COL26A1: variants seen among roughly 807,000 people sequenced by gnomAD.
The protein encoded by COL26A1 is collagen type XXVI alpha 1 chain.
A neutral mutation model predicts 59.3 loss-of-function variants in COL26A1; 41 were observed. The observed-to-expected ratio is 0.69, with a 90% confidence interval of 0.54 to 0.90. The LOEUF is 0.90. Among genes scored for constraint, COL26A1 ranks in the 40% least tolerant of loss-of-function variants. COL26A1 has a pLI of 0.00. For missense variants in COL26A1, 612 were observed against 602.3 expected (o/e 1.02, Z -0.17); for synonymous variants, 266 against 256.0 (o/e 1.04, Z -0.37).
At chr7:101,511,751 C>T (rs891876396) in intron 3 of COL26A1, among the ~76,000 whole-genome samples, 2 of 152,116 alleles carry the variant, frequency 1.3e-5, no homozygotes, top group Non-Finnish European at 2.9e-5. Flanking sequence ...CCAATTCTGC[C>T]AGGACTGTAG....
intron 1 of COL26A1, among the ~76,000 whole-genome samples, chr7:101,400,894 A>G (rs1791981024): frequency 6.6e-6 from 1 of 152,132 alleles, no homozygotes. Flanking sequence ...TTCATTCAGT[A>G]AATACCACTG....
chr7:101,382,315 G>C (rs891170294), intron 1 of COL26A1, among the ~76,000 whole-genome samples: 15 of 152,116 alleles, frequency 9.9e-5, no homozygotes, highest in Non-Finnish European at 2.1e-4. Context: ...CAAAGCACTG[G>C]GATTACAGGT....
intron 3 of COL26A1, among the ~76,000 whole-genome samples, chr7:101,522,799 C>T (rs545425529): frequency 2.9e-4 from 43 of 150,842 alleles, no homozygotes; most frequent in African/African-American, 9.3e-4. Context: ...CCAGTTGCTC[C>T]GCATCCTCTC....
intron 1 of COL26A1, among the ~76,000 whole-genome samples, chr7:101,381,660 A>G (rs939541955): frequency 1.3e-5 from 2 of 152,162 alleles, no homozygotes; most frequent in African/African-American, 4.8e-5. Flanking sequence ...CGTATAATCT[A>G]TTCGTGAGGG....
chr7:101,547,230 G>C lies in COL26A1; in HGVS notation c.931G>C (p.Gly311Arg), dbSNP rs780621949. The C allele has an allele frequency of 6.3e-7, 1 of 1,578,022 alleles. No individual in the cohort carries two copies. The highest frequency in any genetic ancestry group is 1.2e-5 in the South Asian group (1 of 85,560). The stretch of plus-strand genomic sequence containing the variant: ...TGTCCCAGGACCCCGGGGTCCCCCT[G>C]GTCCACCAGGTAAGTGAATGGTGGG... The part of the protein sequence containing the change: ...AGVPGPRGPP[G>R]PPGPPGPRGP... Residue 311 changes from glycine (G) to arginine (R), a missense_variant, in exon 8 of 13, where the codon GGT becomes CGT. Physicochemically the swap from Gly to Arg is moderately radical, Grantham distance 125. Transcript: ENST00000313669.
At chr7:101,489,783 T>G (rs1294717114) in intron 3 of COL26A1, among the ~76,000 whole-genome samples, 265 of 2,514 alleles carry the variant, frequency 0.11, 70 homozygotes, top group Middle Eastern at 0.5. Context: ...TCTTTCTTTC[T>G]TTCTTTCTTT....
intron 1 of COL26A1, among the ~76,000 whole-genome samples, chr7:101,394,487 G>A (rs1791805468): frequency 6.6e-6 from 1 of 151,990 alleles, no homozygotes; most frequent in African/African-American, 2.4e-5. Context: ...GCTCACTGCA[G>A]CCTCGAATTC....
intron 3 of COL26A1, among the ~76,000 whole-genome samples, chr7:101,523,881 CAAAA>C (rs916997746): frequency 3.4e-5 from 5 of 145,714 alleles, no homozygotes; most frequent in South Asian, 4.4e-4. Context: ...CAATTTCCAC[CAAAA>C]AAAAAAGTCT....
chr7:101,362,749 T>C, upstream of COL26A1: 1 of 481,316 alleles, frequency 2.1e-6, no homozygotes, highest in Non-Finnish European at 3.7e-6. Flanking sequence ...GCACCCTAGC[T>C]CTGCCGCCAC....
chr7:101,425,045 C>T (rs6964449), intron 2 of COL26A1, among the ~76,000 whole-genome samples: 15,719 of 151,976 alleles, frequency 0.1, 1,226 homozygotes, highest in African/African-American at 0.22. Flanking sequence ...GCCTCAGCCT[C>T]CTGAGTAGCT....
chr7:101,552,027 G>T (rs1045361403), intron 10 of COL26A1, among the ~76,000 whole-genome samples: 1 of 152,184 alleles, frequency 6.6e-6, no homozygotes, highest in Non-Finnish European at 1.5e-5. Flanking sequence ...AAGCCACACA[G>T]CGAGGCAGTG....
chr7:101,400,025 C>G (rs1290011479), intron 1 of COL26A1, among the ~76,000 whole-genome samples: 1 of 152,050 alleles, frequency 6.6e-6, no homozygotes, highest in Admixed American at 6.6e-5. Flanking sequence ...ACAGTGGCTG[C>G]GAGTGCTGTG....
At chr7:101,406,013 G>A (rs1390522712) in intron 1 of COL26A1, among the ~76,000 whole-genome samples, 1 of 152,172 alleles carries the variant, frequency 6.6e-6, no homozygotes, top group African/African-American at 2.4e-5. Context: ...GCTCCGTGGA[G>A]TAGGTCGTGC....
chr7:101,449,183 G>T (rs1357674259), intron 3 of COL26A1, among the ~76,000 whole-genome samples: 2 of 152,158 alleles, frequency 1.3e-5, no homozygotes, highest in African/African-American at 4.8e-5. Context: ...AAGGTGAAGG[G>T]GTGAGGGGAT....
intron 2 of COL26A1, among the ~76,000 whole-genome samples, chr7:101,434,464 G>T (rs1481246344): frequency 6.6e-6 from 1 of 151,734 alleles, no homozygotes; most frequent in Non-Finnish European, 1.5e-5. Context: ...GTCTCACTGT[G>T]TTGCCCAGGC....
intron 4 of COL26A1, among the ~76,000 whole-genome samples, chr7:101,539,084 A>T (rs1223733709): frequency 1.3e-5 from 2 of 152,178 alleles, no homozygotes; most frequent in Non-Finnish European, 2.9e-5. Context: ...CGGTCCCGGG[A>T]TCTGGGTCTC....
chr7:101,421,542 G>T (rs1034382462), intron 2 of COL26A1, among the ~76,000 whole-genome samples: 1 of 152,036 alleles, frequency 6.6e-6, no homozygotes, highest in African/African-American at 2.4e-5. Context: ...AGGCGTGGTG[G>T]TGGGCGCCTG....
At chr7:101,456,721 G>C (rs1208890007) in intron 3 of COL26A1, among the ~76,000 whole-genome samples, 1 of 152,080 alleles carries the variant, frequency 6.6e-6, no homozygotes, top group Non-Finnish European at 1.5e-5. Flanking sequence ...TTATTATGTT[G>C]ACCAGGCTGG....
chr7:101,387,778 A>ATTTTTTTTTTTTTTTTTTT (rs1554404085), intron 1 of COL26A1, among the ~76,000 whole-genome samples: 19 of 84,794 alleles, frequency 2.2e-4, no homozygotes, highest in Admixed American at 3.0e-4. Context: ...ATATATATAT[A>ATTTTTTTTTTTTTTTTTTT]TTTTTTTTTA....
Sources: allele counts gnomAD v4.1 joint callset (sites outside exome capture counted in the v4.1 genomes callset), GRCh38; gene constraint gnomAD v4.1.1; transcripts MANE v1.5; gene names NCBI Gene and HGNC (gene_info 2026-07-23, HGNC 2026-07-21).